GPR141: variants seen among roughly 807,000 people sequenced by gnomAD.
GPR141 encodes G protein-coupled receptor 141.
In GPR141, 6 loss-of-function variants were observed where a neutral mutation model predicts 6.8. The observed-to-expected ratio is 0.88, with a 90% confidence interval of 0.48 to 1.74. The LOEUF (loss-of-function observed/expected upper bound fraction) is 1.74. GPR141 is among the 40% of genes most tolerant of loss of function. GPR141 has a pLI of 0.01. For synonymous variants in GPR141, 140 were observed against 142.3 expected (o/e 0.98, Z 0.11); for missense variants, 372 against 372.9 (o/e 1.00, Z 0.02).
intron 2 of GPR141, among the ~76,000 whole-genome samples, chr7:37,705,790 G>A (rs1223873019): frequency 2.0e-5 from 3 of 152,172 alleles, no homozygotes; most frequent in African/African-American, 7.2e-5. Context: ...AGAACCACGT[G>A]TCACTATTTT....
At chr7:37,719,306 T>C (rs1001423144) in intron 2 of GPR141, among the ~76,000 whole-genome samples, 1 of 152,212 alleles carries the variant, frequency 6.6e-6, no homozygotes, top group Non-Finnish European at 1.5e-5. Flanking sequence ...TGTCAAATCA[T>C]ACACTCTTGG....
rs375884350 is a variant in GPR141, at chr7:37,708,487, G to T, written c.-15+22904G>T. On this transcript the variant is annotated intron_variant, in intron 2 of 2. Transcript: ENST00000334425. ...CCCAATAAGGTGCCATGTTCAGAGA[G>T]TGGTGAAAGCTAAAGCTGACCTTAT... Among the ~76,000 whole-genome samples, 5 of 152,238 alleles carry T rather than the reference G, an allele frequency of 3.3e-5. No individual in the cohort carries two copies. In the East Asian group the frequency reaches 9.6e-4, roughly 29 times the overall value.
Position 37,740,496 on chromosome 7 carries a change from G to C in GPR141, c.103G>C (p.Val35Leu). 6.2e-7 allele frequency: 1 copy of C among 1,613,998 alleles called. No homozygotes were observed. Residue 35 changes from valine (V) to leucine (L), a missense_variant, in exon 3 of 3, where the codon GTC (valine) becomes CTC (leucine). Val to Leu is a conservative substitution (Grantham distance 32, BLOSUM62 1). Coordinates refer to ENST00000334425, the MANE Select transcript of GPR141 (RefSeq NM_001381946.1). ...AGTGCTTATTGGCGGGCTGGTGGGTGTCATTTCCATTCTTTTCCTCCTGGT... is the reference window on the plus strand; with the variant it reads ...AGTGCTTATTGGCGGGCTGGTGGGTCTCATTTCCATTCTTTTCCTCCTGGT... ...FIVLIGGLVGVISILFLLVKM... is the reference protein window; with the variant it reads ...FIVLIGGLVGLISILFLLVKM...
chr7:37,686,134 G>T (rs1809500688), intron 2 of GPR141, among the ~76,000 whole-genome samples: 1 of 150,912 alleles, frequency 6.6e-6, no homozygotes, highest in South Asian at 2.1e-4. Context: ...GAATAGCTGG[G>T]AGTGCAGGTG....
intron 2 of GPR141, among the ~76,000 whole-genome samples, chr7:37,688,626 C>A (rs1399121923): frequency 1.3e-5 from 2 of 152,184 alleles, no homozygotes; most frequent in Non-Finnish European, 2.9e-5. Context: ...CCTCTCTCCT[C>A]CTTGCCTTCA....
chr7:37,697,152 G>A (rs1810058100), intron 2 of GPR141, among the ~76,000 whole-genome samples: 1 of 150,774 alleles, frequency 6.6e-6, no homozygotes, highest in Non-Finnish European at 1.5e-5. Flanking sequence ...TTTATAAAGA[G>A]GAGGTAGAAG....
intron 2 of GPR141, among the ~76,000 whole-genome samples, chr7:37,697,570 T>C (rs929008948): frequency 5.3e-5 from 8 of 152,212 alleles, no homozygotes; most frequent in African/African-American, 1.9e-4. Flanking sequence ...ATGTGGACCC[T>C]GAATGCTGTG....
intron 2 of GPR141, among the ~76,000 whole-genome samples, chr7:37,735,870 A>G (rs1054320493): frequency 3.9e-5 from 6 of 152,260 alleles, no homozygotes; most frequent in Non-Finnish European, 8.8e-5. Flanking sequence ...TAAGACCGAC[A>G]CAGCCTAGAA....
chr7:37,691,461 A>T lies in GPR141; in HGVS notation c.-15+5878A>T, dbSNP rs111377401. Among the ~76,000 whole-genome samples the T allele has an allele frequency of 7.9e-3, 1,195 of 152,048 alleles. 23 individuals are homozygous for T. Among genetic ancestry groups the T allele is most frequent in the African/African-American group, 0.027 (1,123 of 41,466 alleles). On this transcript the variant is annotated intron_variant, in intron 2 of 2. Coordinates refer to ENST00000334425, the MANE Select transcript of GPR141 (RefSeq NM_001381946.1). ...CATTCAAGGTTATTATTTATAGGTG[A>T]AGACTTACTCCTGTTATTTTGTTAA...
chr7:37,718,524 A>AAGGAAGG (rs61160687), intron 2 of GPR141, among the ~76,000 whole-genome samples: 9,038 of 55,352 alleles, frequency 0.16, 355 homozygotes, highest in Middle Eastern at 0.23. Flanking sequence ...AGGAAGGAAG[A>AAGGAAGG]AAGGAAGGAA....
At chr7:37,717,856 A>G (rs2253810) in intron 2 of GPR141, among the ~76,000 whole-genome samples, 15,453 of 152,206 alleles carry the variant, frequency 0.1, 913 homozygotes, top group African/African-American at 0.16. Context: ...TTGGGCAAAC[A>G]CATATATCTT....
At chr7:37,696,334 T>A (rs1166597577) in intron 2 of GPR141, among the ~76,000 whole-genome samples, 3 of 152,196 alleles carry the variant, frequency 2.0e-5, no homozygotes, top group Non-Finnish European at 4.4e-5. Flanking sequence ...TAATGGTATT[T>A]TCAACTTACG....
In GPR141 at chr7:37,740,894, T is replaced by C. The variant is rs755857454; in HGVS notation, c.501T>C (p.Phe167=). 6.2e-7 allele frequency: 1 copy of C among 1,614,168 alleles called. No homozygotes were observed. The highest frequency in any genetic ancestry group is 8.5e-7 in the Non-Finnish European group (1 of 1,180,000). Reference sequence around the variant, plus strand: ...AGGAATACAATGAGGAGCACTGTTTTAAATTTCACAAAGAGCTTGCTTACA... The same window carrying C: ...AGGAATACAATGAGGAGCACTGTTTCAAATTTCACAAAGAGCTTGCTTACA... ...IHEEYNEEHC[F]KFHKELAYTY... is the part of the protein sequence containing the mutation. Residue 167 remains phenylalanine (F), a synonymous_variant, in exon 3 of 3, where the codon TTT becomes TTC. Transcript: ENST00000334425.
At chr7:37,702,834 TAAAAA>T (rs199997620) in intron 2 of GPR141, among the ~76,000 whole-genome samples, 1 of 138,176 alleles carries the variant, frequency 7.2e-6, no homozygotes, top group South Asian at 2.3e-4. Flanking sequence ...AAATAAAAAT[TAAAAA>T]AAAAAGTCCC....
At chr7:37,694,648 G>C (rs1257168873) in intron 2 of GPR141, among the ~76,000 whole-genome samples, 4 of 152,238 alleles carry the variant, frequency 2.6e-5, no homozygotes, top group Non-Finnish European at 4.4e-5. Flanking sequence ...CATGGCAGGT[G>C]TGCAGATCAC....
intron 2 of GPR141, among the ~76,000 whole-genome samples, chr7:37,712,404 A>G (rs1000406564): frequency 1.3e-5 from 2 of 152,190 alleles, no homozygotes; most frequent in African/African-American, 4.8e-5. Context: ...GGGTCAAGTA[A>G]TAAAGAGGAT....
chr7:37,705,063 A>G (rs950460881), intron 2 of GPR141, among the ~76,000 whole-genome samples: 2 of 152,214 alleles, frequency 1.3e-5, no homozygotes, highest in African/African-American at 4.8e-5. Flanking sequence ...GAATAAATAT[A>G]TGTATAGTTG....
intron 2 of GPR141, among the ~76,000 whole-genome samples, chr7:37,733,964 G>T (rs1812112671): frequency 6.6e-6 from 1 of 152,140 alleles, no homozygotes; most frequent in South Asian, 2.1e-4. Flanking sequence ...TTGAGCCGAG[G>T]AGTTTGAGAC....
chr7:37,700,279 AG>A (rs1403165940), intron 2 of GPR141, among the ~76,000 whole-genome samples: 3 of 152,244 alleles, frequency 2.0e-5, no homozygotes, highest in Non-Finnish European at 4.4e-5. Context: ...TTGAAAAATT[AG>A]GATTAGAGGC....
Sources: allele counts gnomAD v4.1 joint callset (sites outside exome capture counted in the v4.1 genomes callset), GRCh38; gene constraint gnomAD v4.1.1; transcripts MANE v1.5; gene names NCBI Gene and HGNC (gene_info 2026-07-23, HGNC 2026-07-21).